The following SCHIP1 variants were observed in gnomAD, a reference collection of about 807,000 sequenced individuals.
SCHIP1 encodes schwannomin-interacting protein 1.
A neutral mutation model predicts 29.7 loss-of-function variants in SCHIP1; 8 were observed. That is an observed-to-expected ratio of 0.27 (90% CI 0.16 to 0.49). SCHIP1 has a LOEUF of 0.49. SCHIP1 is among the 20% of genes least tolerant of loss of function. The pLI is 0.99. For synonymous variants in SCHIP1, 76 were observed against 94.9 expected, an observed-to-expected ratio of 0.80 and a Z score of 1.16; for missense variants, 193 against 294.6, an observed-to-expected ratio of 0.66 and a Z score of 2.52.
chr3:159,441,367 T>C, the SCHIP1 span, among the ~76,000 whole-genome samples: 5 of 152,124 alleles, frequency 3.3e-5, no homozygotes, highest in Non-Finnish European at 5.9e-5. Flanking sequence ...CAGACTCTAT[T>C]TTACATTCAC....
chr3:159,706,440 G>A, the SCHIP1 span, among the ~76,000 whole-genome samples: 1 of 152,206 alleles, frequency 6.6e-6, no homozygotes, highest in African/African-American at 2.4e-5. Flanking sequence ...ATTTTAAATG[G>A]AAGTTGAAGT....
chr3:159,629,204 A>G, the SCHIP1 span, among the ~76,000 whole-genome samples: 1 of 152,102 alleles, frequency 6.6e-6, no homozygotes, highest in African/African-American at 2.4e-5. Context: ...TTGAGACCCC[A>G]GGAGGTCCAG....
chr3:159,695,358 C>A, the SCHIP1 span, among the ~76,000 whole-genome samples: 2 of 152,182 alleles, frequency 1.3e-5, no homozygotes, highest in Non-Finnish European at 2.9e-5. Context: ...CTATGATTGA[C>A]CCTTCCTCCT....
chr3:159,389,185 T>C, the SCHIP1 span, among the ~76,000 whole-genome samples: 6 of 152,090 alleles, frequency 3.9e-5, no homozygotes, highest in African/African-American at 1.4e-4. Flanking sequence ...AATTAGAAAG[T>C]ATATTTTTTC....
At chr3:159,569,406 G>C in the SCHIP1 span, among the ~76,000 whole-genome samples, 10 of 152,138 alleles carry the variant, frequency 6.6e-5, no homozygotes, top group African/African-American at 2.4e-4. Context: ...CTATATGTGA[G>C]AACATGCAGT....
the SCHIP1 span, among the ~76,000 whole-genome samples, chr3:159,384,034 T>A: frequency 2.0e-5 from 3 of 151,708 alleles, no homozygotes; most frequent in Non-Finnish European, 2.9e-5. Flanking sequence ...TTTCTAGATA[T>A]ACAATCATGT....
chr3:159,813,074 C>G, the SCHIP1 span, among the ~76,000 whole-genome samples: 1 of 152,292 alleles, frequency 6.6e-6, no homozygotes, highest in Non-Finnish European at 1.5e-5. Context: ...ATTCCTCAAC[C>G]AAATGCCTCT....
At chr3:159,327,084 C>A in the SCHIP1 span, among the ~76,000 whole-genome samples, 1 of 152,156 alleles carries the variant, frequency 6.6e-6, no homozygotes, top group Non-Finnish European at 1.5e-5. Flanking sequence ...AATATAATTG[C>A]ATTTAAAATT....
the SCHIP1 span, among the ~76,000 whole-genome samples, chr3:159,732,393 T>C: frequency 3.9e-5 from 6 of 152,078 alleles, no homozygotes; most frequent in South Asian, 1.0e-3. Context: ...CCATCCTGTG[T>C]CTGATCCTTG....
chr3:159,671,196 G>A, the SCHIP1 span, among the ~76,000 whole-genome samples: 7 of 152,082 alleles, frequency 4.6e-5, no homozygotes, highest in African/African-American at 1.7e-4. Context: ...CCCCAGCTAA[G>A]TCACACCATA....
chr3:159,578,061 G>A, the SCHIP1 span, among the ~76,000 whole-genome samples: 6 of 152,100 alleles, frequency 3.9e-5, no homozygotes, highest in Admixed American at 2.6e-4. Flanking sequence ...TGAGGGACCC[G>A]GTTTTGGGGG....
At chr3:159,587,397 GA>G in the SCHIP1 span, among the ~76,000 whole-genome samples, 39 of 149,408 alleles carry the variant, frequency 2.6e-4, no homozygotes, top group African/African-American at 8.9e-4. Flanking sequence ...AAAAAAAAAA[GA>G]CTTATTACCC....
chr3:159,460,588 A>G, the SCHIP1 span, among the ~76,000 whole-genome samples: 1 of 152,184 alleles, frequency 6.6e-6, no homozygotes, highest in African/African-American at 2.4e-5. Flanking sequence ...GGTAATCAAC[A>G]TGTCCCTGTC....
At chr3:159,603,646 C>T in the SCHIP1 span, among the ~76,000 whole-genome samples, 1 of 152,262 alleles carries the variant, frequency 6.6e-6, no homozygotes, top group South Asian at 2.1e-4. Context: ...GAAAAGTATC[C>T]TGTTTTAAGG....
intron 2 of SCHIP1, among the ~76,000 whole-genome samples, chr3:159,868,134 A>G (rs1714850646): frequency 6.6e-6 from 1 of 150,914 alleles, no homozygotes; most frequent in African/African-American, 2.4e-5. Context: ...ATACCTATAT[A>G]TAACCCATAT....
chr3:159,342,477 A>G, the SCHIP1 span, among the ~76,000 whole-genome samples: 4 of 152,242 alleles, frequency 2.6e-5, no homozygotes, highest in African/African-American at 4.8e-5. Context: ...TCTGACATAT[A>G]GTGCAGGAAA....
upstream of SCHIP1, among the ~76,000 whole-genome samples, chr3:159,839,683 A>G (rs1744030959): frequency 9.2e-6 from 1 of 109,280 alleles, no homozygotes. Flanking sequence ...AAGCAGCCTT[A>G]GTGGGTAGGA....
the SCHIP1 span, among the ~76,000 whole-genome samples, chr3:159,767,240 TA>T: frequency 1.3e-5 from 2 of 152,142 alleles, no homozygotes; most frequent in African/African-American, 4.8e-5. Context: ...CCTTAGCATT[TA>T]AAAAAATGAA....
the SCHIP1 span, among the ~76,000 whole-genome samples, chr3:159,823,073 G>A: frequency 1.3e-5 from 2 of 152,098 alleles, no homozygotes; most frequent in African/African-American, 4.8e-5. Context: ...GTTGGCCAGA[G>A]AGGGTTGGAC....
Sources: allele counts gnomAD v4.1 joint callset (sites outside exome capture counted in the v4.1 genomes callset), GRCh38; gene constraint gnomAD v4.1.1; transcripts MANE v1.5; gene names NCBI Gene and HGNC (gene_info 2026-07-23, HGNC 2026-07-21).